ANKS1B: variants seen among roughly 807,000 people sequenced by gnomAD.
ANKS1B encodes the protein ankyrin repeat and sterile alpha motif domain containing 1B, also known as ankyrin repeat and sterile alpha motif domain-containing protein 1B.
A neutral mutation model predicts 148.3 loss-of-function variants in ANKS1B; 36 were observed. That is an observed-to-expected ratio of 0.24 (90% CI 0.19 to 0.32). The LOEUF is 0.32. ANKS1B is among the 10% of genes least tolerant of loss of function. The pLI is 1.00. For synonymous variants in ANKS1B, 542 were observed against 560.8 expected (o/e 0.97, Z 0.47); for missense variants, 1,157 against 1,542.6 (o/e 0.75, Z 4.19).
intron 12 of ANKS1B, among the ~76,000 whole-genome samples, chr12:99,286,930 G>A (rs1292287952): frequency 6.6e-6 from 1 of 152,170 alleles, no homozygotes; most frequent in Non-Finnish European, 1.5e-5. Flanking sequence ...CTAGACCTGG[G>A]CTCCTAAATG....
chr12:99,091,477 T>C (rs1488044215), intron 15 of ANKS1B, among the ~76,000 whole-genome samples: 1 of 152,236 alleles, frequency 6.6e-6, no homozygotes, highest in African/African-American at 2.4e-5. Flanking sequence ...CAAAATAATT[T>C]ATACAGTAAT....
At chr12:99,039,962 C>T (rs967261004) in intron 17 of ANKS1B, among the ~76,000 whole-genome samples, 15 of 152,062 alleles carry the variant, frequency 9.9e-5, no homozygotes, top group Non-Finnish European at 1.5e-5. Context: ...TCTCAGGTGG[C>T]GTTTGTATTG....
intron 17 of ANKS1B, among the ~76,000 whole-genome samples, chr12:98,964,260 C>A (rs1008764638): frequency 6.6e-6 from 1 of 152,022 alleles, no homozygotes; most frequent in Non-Finnish European, 1.5e-5. Context: ...TCATTTCATC[C>A]CAGTTAAAAA....
intron 14 of ANKS1B, among the ~76,000 whole-genome samples, chr12:99,221,426 T>C (rs937182148): frequency 1.3e-5 from 2 of 152,118 alleles, no homozygotes; most frequent in African/African-American, 4.8e-5. Context: ...GGAAAGATAA[T>C]TACAACTTGT....
chr12:99,073,564 T>C (rs1006577945), intron 16 of ANKS1B, among the ~76,000 whole-genome samples: 5 of 152,194 alleles, frequency 3.3e-5, no homozygotes, highest in African/African-American at 1.2e-4. Flanking sequence ...ACAGCTCACA[T>C]GGCCTATATC....
chr12:98,937,171 A>G (rs2152993921), intron 17 of ANKS1B, among the ~76,000 whole-genome samples: 1 of 152,360 alleles, frequency 6.6e-6, no homozygotes, highest in African/African-American at 2.4e-5. Context: ...GATGACATCA[A>G]GGAACACTTA....
At chr12:99,105,702 G>C (rs2059031496) in intron 15 of ANKS1B, among the ~76,000 whole-genome samples, 1 of 148,180 alleles carries the variant, frequency 6.7e-6, no homozygotes. Context: ...TCGGGAGGCA[G>C]GGCTTGCAGT....
intron 9 of ANKS1B, among the ~76,000 whole-genome samples, chr12:99,587,046 T>C (rs973017508): frequency 6.6e-6 from 1 of 152,152 alleles, no homozygotes; most frequent in Non-Finnish European, 1.5e-5. Flanking sequence ...TACTCTATTA[T>C]TGGTAATAAT....
chr12:98,931,439 A>G (rs556618994), intron 17 of ANKS1B, among the ~76,000 whole-genome samples: 1 of 152,308 alleles, frequency 6.6e-6, no homozygotes, highest in South Asian at 2.1e-4. Flanking sequence ...GGTAAATACA[A>G]TAAGGCAACT....
chr12:99,226,219 T>C (rs2085914952), intron 14 of ANKS1B, among the ~76,000 whole-genome samples: 1 of 152,158 alleles, frequency 6.6e-6, no homozygotes. Context: ...AGAGAAGAAA[T>C]TTCTGCTGTA....
rs578172636 is a variant in ANKS1B, at chr12:99,005,335, A to G, written c.2778+47822T>C. On this transcript the variant is annotated intron_variant, in intron 17 of 26. Coordinates refer to ENST00000683438, the MANE Select transcript of ANKS1B (RefSeq NM_001352186.2). Reference sequence around the variant, plus strand: ...GTCTGGCATGTCAGAATCGCCCTGCACAAATAGCTCCTGTGCAGCTGCTCT... The same window carrying G: ...GTCTGGCATGTCAGAATCGCCCTGCGCAAATAGCTCCTGTGCAGCTGCTCT... Among the ~76,000 whole-genome samples the G allele has an allele frequency of 6.6e-5, 10 of 152,318 alleles. No homozygotes were observed. In the East Asian group the frequency reaches 1.5e-3, roughly 24 times the overall value.
At chr12:99,828,614 G>A (rs1004575580) in intron 1 of ANKS1B, among the ~76,000 whole-genome samples, 1 of 152,062 alleles carries the variant, frequency 6.6e-6, no homozygotes, top group South Asian at 2.1e-4. Context: ...TTCAAAAACA[G>A]TTATCATTAA....
chr12:99,604,307 ATCCCTTATTACTTGACAATGC>A (rs1443908752), intron 9 of ANKS1B, among the ~76,000 whole-genome samples: 46 of 152,210 alleles, frequency 3.0e-4, no homozygotes, highest in African/African-American at 1.1e-3. Context: ...CAGGTTTAGC[ATCCCTTATTACTTGACAATGC>A]TTCCCATATA....
intron 1 of ANKS1B, among the ~76,000 whole-genome samples, chr12:99,940,502 G>A (rs1238987447): frequency 6.6e-6 from 1 of 152,010 alleles, no homozygotes; most frequent in African/African-American, 2.4e-5. Context: ...CCTATCAGGG[G>A]CAAGATTCAC....
chr12:99,306,398 G>A (rs2082344514), intron 12 of ANKS1B, among the ~76,000 whole-genome samples: 1 of 151,902 alleles, frequency 6.6e-6, no homozygotes, highest in Non-Finnish European at 1.5e-5. Context: ...CACTGAACAA[G>A]CTGAATATTT....
At chr12:99,170,188 CTTCAGTGCTGT>C (rs1407948240) in intron 14 of ANKS1B, among the ~76,000 whole-genome samples, 3 of 152,188 alleles carry the variant, frequency 2.0e-5, no homozygotes, top group Non-Finnish European at 4.4e-5. Context: ...AATATTGCAG[CTTCAGTGCTGT>C]TTCCACATGG....
At position 99,328,577 on chromosome 12, in the gene ANKS1B, A is replaced by G. The variant is rs146035408; in HGVS notation, c.1756+71054T>C. 2.6e-3 allele frequency among the ~76,000 whole-genome samples: 388 copies of G among 152,064 alleles called. 2 individuals are homozygous for G. The highest frequency in any genetic ancestry group is 9.1e-3 in the African/African-American group (379 of 41,518). On this transcript the variant is annotated intron_variant, in intron 12 of 26. Transcript: ENST00000683438. ...TAGTATTGCTGTGTTCTGGCCTAAC[A>G]TAGTTAAAAAGACCCCAAAAGATCA...
intron 8 of ANKS1B, among the ~76,000 whole-genome samples, chr12:99,700,084 G>A (rs562910427): frequency 1.3e-5 from 2 of 152,046 alleles, no homozygotes; most frequent in Non-Finnish European, 2.9e-5. Context: ...GTTTACCAAG[G>A]TTTGCACAGA....
At chr12:99,466,029 T>C (rs559809194) in intron 10 of ANKS1B, among the ~76,000 whole-genome samples, 216 of 152,208 alleles carry the variant, frequency 1.4e-3, no homozygotes, top group African/African-American at 4.7e-3. Context: ...ATTGACCACA[T>C]AGTTGGAAGT....
Sources: allele counts gnomAD v4.1 joint callset (sites outside exome capture counted in the v4.1 genomes callset), GRCh38; gene constraint gnomAD v4.1.1; transcripts MANE v1.5; gene names NCBI Gene and HGNC (gene_info 2026-07-23, HGNC 2026-07-21).